C12orf76: variants seen among roughly 807,000 people sequenced by gnomAD.
C12orf76 encodes the protein chromosome 12 open reading frame 76.
In C12orf76, 6 loss-of-function variants were observed where a neutral mutation model predicts 6.8. The ratio of observed to expected loss-of-function variants is 0.88; its 90% CI spans 0.48 to 1.73. The LOEUF (loss-of-function observed/expected upper bound fraction) is 1.73. Among genes scored for constraint, C12orf76 ranks in the 40% most tolerant of loss-of-function variants. C12orf76 has a pLI of 0.01. For missense variants in C12orf76, 99 were observed against 98.2 expected (o/e 1.01, Z -0.03); for synonymous variants, 56 against 43.7 (o/e 1.28, Z -1.11).
At chr12:110,057,194 C>T (rs1365608067) in exon 4 of C12orf76, 1 of 1,606,686 alleles carries the variant, frequency 6.2e-7, no homozygotes, top group Non-Finnish European at 8.5e-7. Flanking sequence ...CTTACCTTGG[C>T]ATTGCAGGTA....
chr12:110,064,737 C>T (rs963832918), intron 2 of C12orf76, among the ~76,000 whole-genome samples: 2 of 152,122 alleles, frequency 1.3e-5, no homozygotes, highest in Non-Finnish European at 2.9e-5. Context: ...TTCTCGGCCA[C>T]TGTACACGCC....
rs114831107 is a variant in C12orf76, at chr12:110,044,184, G to A, written c.134-1725C>T. The A allele has an allele frequency of 2.9e-3, 440 of 152,294 alleles. 2 individuals carry two copies. The highest frequency in any genetic ancestry group is 0.01 in the African/African-American group (425 of 41,556). The allele number at this position is 152,294 out of a possible 1,614,324, so 9.4% of individuals were successfully genotyped here. On this transcript the variant is annotated intron_variant, in intron 1 of 1. Coordinates refer to ENST00000615315, the MANE Select transcript of C12orf76 (RefSeq NM_001389625.1). Reference sequence around the variant, plus strand: ...CACTGATGTGTGTCTGTAGGGATGTGGGCCCATCCCAGGTTCCAGCTAGGG... The same window carrying A: ...CACTGATGTGTGTCTGTAGGGATGTAGGCCCATCCCAGGTTCCAGCTAGGG...
intron 2 of C12orf76, among the ~76,000 whole-genome samples, chr12:110,061,769 C>T (rs1892776410): frequency 6.6e-6 from 1 of 151,700 alleles, no homozygotes; most frequent in Non-Finnish European, 1.5e-5. Context: ...AACTCCTGAC[C>T]TCGTGATCCA....
chr12:110,047,446 T>C (rs1892478545), intron 1 of C12orf76, among the ~76,000 whole-genome samples: 1 of 152,080 alleles, frequency 6.6e-6, no homozygotes, highest in African/African-American at 2.4e-5. Flanking sequence ...CCCAACACTT[T>C]GGGAGGCCGA....
chr12:110,042,362 C>T lies in C12orf76; in HGVS notation c.*12G>A, dbSNP rs1414750025. 6.2e-7 allele frequency: 1 copy of T among 1,610,774 alleles called. No individual in the cohort carries two copies. The highest frequency in any genetic ancestry group is 1.3e-5 in the African/African-American group (1 of 74,860). On this transcript the variant is annotated 3_prime_UTR_variant, in exon 2 of 2. Coordinates refer to ENST00000615315, the MANE Select transcript of C12orf76 (RefSeq NM_001389625.1). ...CTATTCCCAAATACTCATTGAAGAA[C>T]TTGTCTGGCTGTCACCGACGCCGAA...
chr12:110,057,450 C>T (rs186787422), intron 3 of C12orf76, among the ~76,000 whole-genome samples: 29 of 152,244 alleles, frequency 1.9e-4, no homozygotes, highest in Admixed American at 9.8e-4. Context: ...CAGTGCGGCA[C>T]GGAGAAGCTG....
At chr12:110,044,839 G>A (rs1014573889) in intron 1 of C12orf76, among the ~76,000 whole-genome samples, 3 of 152,046 alleles carry the variant, frequency 2.0e-5, no homozygotes, top group African/African-American at 7.2e-5. Flanking sequence ...TGGGCGTGAT[G>A]GTGCATGCCT....
chr12:110,053,159 TC>T (rs1892611473), upstream of C12orf76, among the ~76,000 whole-genome samples: 1 of 145,886 alleles, frequency 6.9e-6, no homozygotes, highest in African/African-American at 2.6e-5. Flanking sequence ...GCCACTGTAC[TC>T]CAGCCTGATG....
In C12orf76 at chr12:110,066,045, G is replaced by A. The variant is rs1328343910; in HGVS notation, n.207-12C>T. 36 of 1,555,334 alleles carry A rather than the reference G, an allele frequency of 2.3e-5. No homozygotes were observed. In the Admixed American group the frequency reaches 6.6e-4, roughly 29 times the overall value. ...AGCTCTCACATCACCTAGGTGTCAA[G>A]GGTGGGATGAGAATGTGGCAGACCT... On this transcript the variant is annotated splice_polypyrimidine_tract_variant and intron_variant and non_coding_transcript_variant, in intron 1 of 4. Coordinates refer to the C12orf76 transcript ENST00000309050.
At chr12:110,043,426 G>C (rs1346195446) in intron 1 of C12orf76, among the ~76,000 whole-genome samples, 1 of 151,256 alleles carries the variant, frequency 6.6e-6, no homozygotes, top group African/African-American at 2.4e-5. Context: ...TTTGACTATA[G>C]GGGAGCAAGA....
chr12:110,053,509 C>T (rs111581466), upstream of C12orf76, among the ~76,000 whole-genome samples: 1 of 132,504 alleles, frequency 7.5e-6, no homozygotes, highest in African/African-American at 3.3e-5. Flanking sequence ...GGGGGGAAAA[C>T]AAAAAAGTTC....
chr12:110,045,596 AT>A (rs1310749305), intron 1 of C12orf76, among the ~76,000 whole-genome samples: 2 of 151,916 alleles, frequency 1.3e-5, no homozygotes, highest in African/African-American at 2.4e-5. Context: ...AAAATAAAAA[AT>A]AAAAAACTTA....
At chr12:110,072,973 A>G (rs1193489257) in intron 1 of C12orf76, among the ~76,000 whole-genome samples, 2 of 152,008 alleles carry the variant, frequency 1.3e-5, no homozygotes, top group Non-Finnish European at 2.9e-5. Context: ...AAAAAAGAAA[A>G]GAAAAAGAAA....
chr12:110,058,485 G>A lies in C12orf76; in HGVS notation n.556+503C>T, dbSNP rs948099378. ...TCAAGACCAGGCTGGCCAACATGGC[G>A]GAAACCCTGTCTCTACTAAAAATGC... On this transcript the variant is annotated intron_variant and non_coding_transcript_variant, in intron 3 of 4. Transcript: ENST00000309050. 5.9e-5 allele frequency among the ~76,000 whole-genome samples: 9 copies of A among 152,080 alleles called. 1 individual carries two copies. Among genetic ancestry groups the A allele is most frequent in the South Asian group, 2.1e-4 (1 of 4,826 alleles).
chr12:110,056,978 A>G, intron 4 of C12orf76: 1 of 573,156 alleles, frequency 1.7e-6, no homozygotes, highest in Non-Finnish European at 3.1e-6. Context: ...ACAGACAAAT[A>G]CATCCATCAA....
In C12orf76 at chr12:110,048,504, G is replaced by GCCCTGCAGAAGCA. The variant is rs1338909929; in HGVS notation, c.-22_-10dup. 10 of 1,419,778 alleles carry GCCCTGCAGAAGCA rather than the reference G, an allele frequency of 7.0e-6. No homozygotes were observed. The highest frequency in any genetic ancestry group is 9.2e-6 in the Non-Finnish European group (10 of 1,087,674). The allele number at this position is 1,419,778 out of a possible 1,614,324, so 87.9% of individuals were successfully genotyped here. On this transcript the variant is annotated 5_prime_UTR_variant, in exon 1 of 2. Coordinates refer to ENST00000615315, the MANE Select transcript of C12orf76 (RefSeq NM_001389625.1). ...AACGCTGGACGCAGCATCTTCCCCA[G>GCCCTGCAGAAGCA]CCCTGCAGAAGCAGAGAGGCCACTT... is the stretch of plus-strand genomic sequence containing the variant.
intron 2 of C12orf76, chr12:110,059,180 T>G (rs1310409996): frequency 1.3e-6 from 2 of 1,536,792 alleles, no homozygotes; most frequent in Non-Finnish European, 8.8e-7. Context: ...TAAAAAAAAA[T>G]GCACACACAC....
At chr12:110,050,986 C>T (rs767881182), upstream of C12orf76, 2 of 760,158 alleles carry the variant, frequency 2.6e-6, no homozygotes, top group Non-Finnish European at 4.9e-6. Context: ...TTAACACTAC[C>T]AGGTGTTCAC....
intron 3 of C12orf76, among the ~76,000 whole-genome samples, chr12:110,058,065 C>CAAAAAAAAAA (rs59838926): frequency 3.8e-5 from 2 of 52,672 alleles, no homozygotes; most frequent in African/African-American, 6.7e-5. Flanking sequence ...GACTCGGTCT[C>CAAAAAAAAAA]AAAAAAAAAA....
Sources: allele counts gnomAD v4.1 joint callset (sites outside exome capture counted in the v4.1 genomes callset), GRCh38; gene constraint gnomAD v4.1.1; transcripts MANE v1.5; gene names NCBI Gene and HGNC (gene_info 2026-07-23, HGNC 2026-07-21).